Variants in CPNE4 observed in about 807,000 individuals in gnomAD.
CPNE4 encodes the protein copine-4.
CPNE4 carries 25 observed loss-of-function variants against 67.9 expected under a neutral mutation model. The ratio of observed to expected loss-of-function variants is 0.37; its 90% CI spans 0.27 to 0.51. CPNE4 has a LOEUF of 0.51. CPNE4 is among the 20% of genes least tolerant of loss of function. CPNE4 has a pLI of 0.93. For missense variants in CPNE4, 464 were observed against 690.8 expected (o/e 0.67, Z 3.68); for synonymous variants, 242 against 244.9 (o/e 0.99, Z 0.11).
intron 2 of CPNE4, among the ~76,000 whole-genome samples, chr3:131,878,882 C>T (rs9289404): frequency 0.63 from 96,401 of 152,080 alleles, 30,778 homozygotes; most frequent in Admixed American, 0.72. Context: ...GGTGCCAGGC[C>T]TTGTTCTAGG....
chr3:131,958,669 G>T (rs2072063041), intron 1 of CPNE4, among the ~76,000 whole-genome samples: 1 of 124,478 alleles, frequency 8.0e-6, no homozygotes, highest in African/African-American at 3.3e-5. Flanking sequence ...CTGTTGCCCA[G>T]GCTGGAGCAC....
At chr3:131,771,292 G>A (rs1351979856) in intron 2 of CPNE4, among the ~76,000 whole-genome samples, 1 of 152,070 alleles carries the variant, frequency 6.6e-6, no homozygotes, top group African/African-American at 2.4e-5. Context: ...GTTTTGTTCT[G>A]TTTTGTTTTG....
At chr3:131,762,341 G>C (rs1398764) in intron 2 of CPNE4, among the ~76,000 whole-genome samples, 147,302 of 152,148 alleles carry the variant, frequency 0.97, 71,462 homozygotes, top group East Asian at 1. Flanking sequence ...TTGCCAAGTT[G>C]TATATTAAAT....
intron 7 of CPNE4, among the ~76,000 whole-genome samples, chr3:131,657,563 TCTCA>T (rs1258596078): frequency 1.5e-5 from 2 of 134,566 alleles, no homozygotes; most frequent in Non-Finnish European, 3.1e-5. Context: ...TGAGAGGGAG[TCTCA>T]CTCTGTCGCC....
chr3:131,596,694 A>C (rs1173303487), intron 7 of CPNE4, among the ~76,000 whole-genome samples: 1 of 149,900 alleles, frequency 6.7e-6, no homozygotes, highest in African/African-American at 2.4e-5. Context: ...GATGGGCCTG[A>C]TACAATTAAT....
rs117325439 is a variant in CPNE4 at position 131,745,320 on chromosome 3, A to G, written c.181-21695T>C. 1.6e-3 allele frequency among the ~76,000 whole-genome samples: 245 copies of G among 152,266 alleles called. 5 individuals carry two copies. The East Asian group carries it at 0.041, about 26-fold the overall frequency. ...GATTTTTAAATATATTCAAGACACTAGTACTGTTACATATGTGGTCTGTAA... is the reference window on the plus strand; with the variant it reads ...GATTTTTAAATATATTCAAGACACTGGTACTGTTACATATGTGGTCTGTAA... On this transcript the variant is annotated intron_variant, in intron 2 of 15. Transcript: ENST00000429747.
intron 1 of CPNE4, among the ~76,000 whole-genome samples, chr3:131,963,936 T>G (rs998336558): frequency 6.6e-6 from 1 of 152,076 alleles, no homozygotes; most frequent in Non-Finnish European, 1.5e-5. Context: ...CTAGGAGATA[T>G]CTCCTAGCAG....
At chr3:131,992,037 C>T (rs6766438) in intron 1 of CPNE4, among the ~76,000 whole-genome samples, 13,665 of 136,394 alleles carry the variant, frequency 0.1, 2,629 homozygotes, top group African/African-American at 0.3. Flanking sequence ...CAGAAGTTTC[C>T]TGCAGGGGTG....
At position 131,699,984 on chromosome 3, in the gene CPNE4, C is replaced by G; in HGVS notation, c.361-4G>C. The stretch of plus-strand genomic sequence containing the variant: ...ACAGCTTTCTCTGGGAAACAATCTG[C>G]AAAAAAGGAAACAAAAGGTAACAAA... On this transcript the variant is annotated splice_polypyrimidine_tract_variant and splice_region_variant and intron_variant, in intron 3 of 15. Transcript: ENST00000429747. The G allele has an allele frequency of 6.4e-7, 1 of 1,567,226 alleles. No individual in the cohort carries two copies. The highest frequency in any genetic ancestry group is 8.7e-7 in the Non-Finnish European group (1 of 1,154,982).
intron 1 of CPNE4, among the ~76,000 whole-genome samples, chr3:131,911,221 C>T (rs576831050): frequency 6.6e-6 from 1 of 152,202 alleles, no homozygotes; most frequent in East Asian, 1.9e-4. Flanking sequence ...CTGAGGGTAA[C>T]ATTCATCCAA....
At chr3:131,862,321 T>C (rs1242109638) in intron 2 of CPNE4, among the ~76,000 whole-genome samples, 1 of 152,172 alleles carries the variant, frequency 6.6e-6, no homozygotes, top group East Asian at 1.9e-4. Flanking sequence ...TCGCCATGCA[T>C]ATAAGCGAGA....
intron 7 of CPNE4, among the ~76,000 whole-genome samples, chr3:131,631,977 CGGGAGGCTGAGGCACAAGA>C (rs1488472688): frequency 2.7e-5 from 4 of 150,434 alleles, no homozygotes; most frequent in Admixed American, 2.0e-4. Context: ...CCCAGCTTCT[CGGGAGGCTGAGGCACAAGA>C]GGGAGGCTGA....
At chr3:131,967,723 A>T (rs961995405) in intron 1 of CPNE4, among the ~76,000 whole-genome samples, 7 of 152,250 alleles carry the variant, frequency 4.6e-5, no homozygotes, top group African/African-American at 1.7e-4. Context: ...AACAAATAGA[A>T]AAAATATTCC....
rs564425203 is a variant in CPNE4 at position 131,941,956 on chromosome 3, GTTATT to G, written c.-1-36517_-1-36513del. ...TTACTAGAATGTTTATTATGTAAGT[GTTATT>G]TTATTTTTACCAAACAACCCATTAT... On this transcript the variant is annotated intron_variant, in intron 1 of 15. Transcript: ENST00000429747. Among the ~76,000 whole-genome samples the G allele has an allele frequency of 1.1e-3, 162 of 152,012 alleles. 1 individual carries two copies. Among genetic ancestry groups the G allele is most frequent in the African/African-American group, 3.6e-3 (150 of 41,510 alleles).
At chr3:131,605,581 C>T (rs1014059011) in intron 7 of CPNE4, among the ~76,000 whole-genome samples, 33 of 152,008 alleles carry the variant, frequency 2.2e-4, no homozygotes, top group Admixed American at 2.0e-3. Flanking sequence ...ATATTTTAAA[C>T]AGAGAAATGA....
chr3:131,900,692 T>C (rs1305934306), intron 2 of CPNE4, among the ~76,000 whole-genome samples: 1 of 152,094 alleles, frequency 6.6e-6, no homozygotes, highest in East Asian at 1.9e-4. Context: ...ACAGAGCTAT[T>C]ATCAGCAGGA....
intron 2 of CPNE4, among the ~76,000 whole-genome samples, chr3:131,895,193 G>A (rs2088278099): frequency 6.6e-6 from 1 of 151,956 alleles, no homozygotes. Flanking sequence ...GTAGAACAGT[G>A]GATACCAGAG....
chr3:131,577,864 G>A (rs1937588385), intron 9 of CPNE4, among the ~76,000 whole-genome samples: 2 of 151,900 alleles, frequency 1.3e-5, no homozygotes, highest in African/African-American at 4.8e-5. Context: ...TCATATCGGT[G>A]GTCCATCATT....
intron 11 of CPNE4, among the ~76,000 whole-genome samples, chr3:131,560,843 G>A (rs1482256741): frequency 6.6e-6 from 1 of 152,046 alleles, no homozygotes; most frequent in Non-Finnish European, 1.5e-5. Context: ...TTAAATCAGA[G>A]ATTCTGGGGT....
Sources: allele counts gnomAD v4.1 joint callset (sites outside exome capture counted in the v4.1 genomes callset), GRCh38; gene constraint gnomAD v4.1.1; transcripts MANE v1.5; gene names NCBI Gene and HGNC (gene_info 2026-07-23, HGNC 2026-07-21).